The following BBS1 variants were observed in gnomAD, a reference collection of about 807,000 sequenced individuals.
The protein encoded by BBS1 is Bardet-Biedl syndrome 1, also known as BBSome complex member BBS1.
Under a neutral mutation model 73.9 loss-of-function variants are expected in BBS1, and 60 were observed. That is an observed-to-expected ratio of 0.81 (90% CI 0.66 to 1.01). The LOEUF is 1.01. BBS1 is among the 50% of genes least tolerant of loss of function. BBS1 has a pLI of 0.00. For missense variants in BBS1, 718 were observed against 770.3 expected, an observed-to-expected ratio of 0.93 and a Z score of 0.80; for synonymous variants, 283 against 317.4, an observed-to-expected ratio of 0.89 and a Z score of 1.15.
intron 1 of BBS1, 34 bp downstream of exon 1, chr11:66,510,740 A>C (rs1565280065): frequency 6.2e-7 from 1 of 1,612,514 alleles, no homozygotes; most frequent in East Asian, 2.2e-5. Context: ...CTCTTTTCCC[A>C]CCCGTGTAAA....
rs754161831 is a variant in BBS1, at chr11:66,510,671, G to C, written c.12G>C (p.Ala4=). The C allele has an allele frequency of 6.2e-7, 1 of 1,614,166 alleles. No homozygotes were observed. The highest frequency in any genetic ancestry group is 1.1e-5 in the South Asian group (1 of 91,084). ...CGACGCCTGCGAAGATGGCCGCTGCGTCCTCATCGGATTCCGACGCCTGCG... is the reference window on the plus strand; with the variant it reads ...CGACGCCTGCGAAGATGGCCGCTGCCTCCTCATCGGATTCCGACGCCTGCG... MAA[A]SSSDSDACGA... Residue 4 remains alanine (A), a synonymous_variant, in exon 1 of 17, where the codon GCG becomes GCC. Coordinates refer to ENST00000318312, the MANE Select transcript of BBS1 (RefSeq NM_024649.5).
intron 9 of BBS1, among the ~76,000 whole-genome samples, chr11:66,522,397 G>A (rs1191857735): frequency 6.6e-6 from 1 of 150,422 alleles, no homozygotes; most frequent in African/African-American, 2.5e-5. Flanking sequence ...ACCCAGGCTG[G>A]AGTGCAGTGG....
chr11:66,530,050 C>T, intron 14 of BBS1, 98 bp downstream of exon 14: 1 of 1,503,280 alleles, frequency 6.7e-7, no homozygotes. Flanking sequence ...GAGCCAATTC[C>T]AAGCCAACTC....
At position 66,530,998 on chromosome 11, in the gene BBS1, G is replaced by A. The variant is rs373397428; in HGVS notation, c.1578G>A (p.Ala526=). 1.3e-5 allele frequency: 21 copies of A among 1,614,078 alleles called. 1 individual carries two copies. The East Asian group carries it at 1.6e-4, about 12-fold the overall frequency. ...GLLVCFLYNE[A]LYSLPRAFFK... is the part of the protein sequence containing the mutation. ...TGGTCTGCTTCCTGTACAACGAGGC[G>A]CTCTATTCCCTGCCCCGGGCCTTCT... The change falls in exon 15 of 17, where the codon GCG becomes GCA. Residue 526 remains alanine, a synonymous_variant. Transcript: ENST00000318312.
chr11:66,510,768 CGGGCTCT>C, intron 1 of BBS1, 62 bp downstream of exon 1: 1 of 1,603,072 alleles, frequency 6.2e-7, no homozygotes. Context: ...CCTTGGTCCC[CGGGCTCT>C]GGGCTCCTGC....
At position 66,510,682 on chromosome 11, in the gene BBS1, A is replaced by T; in HGVS notation, c.23A>T (p.Asp8Val). The T allele has an allele frequency of 6.2e-7, 1 of 1,614,154 alleles. No individual in the cohort carries two copies. The highest frequency in any genetic ancestry group is 8.5e-7 in the Non-Finnish European group (1 of 1,180,012). Reference sequence around the variant, plus strand: ...AAGATGGCCGCTGCGTCCTCATCGGATTCCGACGCCTGCGGAGCTGAGAGG... The same window carrying T: ...AAGATGGCCGCTGCGTCCTCATCGGTTTCCGACGCCTGCGGAGCTGAGAGG... MAAASSS[D>V]SDACGAESNE... Residue 8 changes from aspartate (D) to valine (V), a missense_variant, in exon 1 of 17, where the codon GAT becomes GTT. Physicochemically the swap from Asp to Val is radical, Grantham distance 152. Coordinates refer to ENST00000318312, the MANE Select transcript of BBS1 (RefSeq NM_024649.5).
At chr11:66,521,760 C>G in intron 9 of BBS1, 1 of 310,738 alleles carries the variant, frequency 3.2e-6, no homozygotes, top group Non-Finnish European at 6.3e-6. Flanking sequence ...ACAAAATTAG[C>G]TGGGCATGGT....
In BBS1 at chr11:66,526,754, G is replaced by A. The variant is rs761581482; in HGVS notation, c.1286G>A (p.Arg429Gln). The change falls in exon 13 of 17, where the codon CGA (arginine) becomes CAA (glutamine). Residue 429 changes from arginine (R) to glutamine (Q), a missense_variant. Arg to Gln is a conservative substitution (Grantham distance 43, BLOSUM62 1). Coordinates refer to ENST00000318312, the MANE Select transcript of BBS1 (RefSeq NM_024649.5). ...CAGGCCATGAAACTCAATGTGCCCCGAAAGACCCGGCTTTACGTGGATCAG... is the reference window on the plus strand; with the variant it reads ...CAGGCCATGAAACTCAATGTGCCCCAAAAGACCCGGCTTTACGTGGATCAG... ...PAQAMKLNVP[R>Q]KTRLYVDQTL... 2.7e-5 allele frequency: 43 copies of A among 1,614,112 alleles called. No individual in the cohort carries two copies. The highest frequency in any genetic ancestry group is 2.3e-4 in the South Asian group (21 of 91,090).
chr11:66,523,085 C>G, intron 9 of BBS1: 1 of 462,658 alleles, frequency 2.2e-6, no homozygotes, highest in South Asian at 1.6e-5. Context: ...AGCTCTTCAT[C>G]CTTTTCTCAT....
chr11:66,514,582 CTA>C lies in BBS1; in HGVS notation c.338_339del (p.Tyr113CysfsTer3). On this transcript the variant is annotated frameshift_variant, in exon 4 of 17. Coordinates refer to ENST00000318312, the MANE Select transcript of BBS1 (RefSeq NM_024649.5). LOFTEE classifies it high-confidence loss of function. Reference protein sequence around the residue: ...ALALASGPCVYVYKNLRPYFK... With the variant: ...ALALASGPCVXVYKNLRPYFK... The stretch of plus-strand genomic sequence containing the variant: ...TGGCACTTGCTTCAGGCCCTTGTGT[CTA>C]TGTGTATAAGAATCTCAGACCCTAC... 3 of 1,614,066 alleles carry C rather than the reference CTA, an allele frequency of 1.9e-6. No individual in the cohort carries two copies. The highest frequency in any genetic ancestry group is 2.5e-6 in the Non-Finnish European group (3 of 1,180,040).
At chr11:66,511,995 CA>C (rs796283982) in intron 3 of BBS1, among the ~76,000 whole-genome samples, 71 of 121,994 alleles carry the variant, frequency 5.8e-4, no homozygotes, top group Non-Finnish European at 9.9e-4. Context: ...GAGACAGTTT[CA>C]AAAAAAAATA....
chr11:66,515,120 G>A (rs1856022046), intron 4 of BBS1, among the ~76,000 whole-genome samples: 2 of 152,096 alleles, frequency 1.3e-5, no homozygotes, highest in African/African-American at 2.4e-5. Context: ...GCCCAGCCTA[G>A]TGATGGCACT....
chr11:66,512,371 G>C (rs541300356), intron 3 of BBS1, among the ~76,000 whole-genome samples: 3 of 152,188 alleles, frequency 2.0e-5, no homozygotes, highest in Admixed American at 6.5e-5. Context: ...CACCACAATG[G>C]ATATATCATG....
At chr11:66,529,765 T>G in intron 13 of BBS1, 54 bp from the exon 14 acceptor site, 1 of 1,603,718 alleles carries the variant, frequency 6.2e-7, no homozygotes, top group Non-Finnish European at 8.5e-7. Flanking sequence ...CGTTGCTGCC[T>G]CCTCCCTGCC....
rs1040851174 is a variant in BBS1, at chr11:66,529,553, T to G, written c.1340-266T>G. On this transcript the variant is annotated intron_variant, in intron 13 of 16. Transcript: ENST00000318312. The stretch of plus-strand genomic sequence containing the variant: ...CCAGACTCAGGAGAACACCAGCCTC[T>G]AGGGCCGGACAGAGAAGCCAGTGAA... 2.6e-4 allele frequency: 185 copies of G among 703,156 alleles called. 1 individual carries two copies. Among genetic ancestry groups the G allele is most frequent in the Non-Finnish European group, 5.9e-5 (23 of 389,578 alleles). 43.6% of individuals were successfully genotyped at this position (703,156 alleles called of 1,614,324 possible). A position where few individuals can be genotyped will look rare whatever the true frequency, so the allele number is the denominator to read the frequency against.
chr11:66,514,291 C>A lies in BBS1; in HGVS notation c.160-115C>A, dbSNP rs914458335. ...GTCAGGCAGCTTGAAAGCCTGAGGG[C>A]AAAGCCTTTATTGGTGCAGGAATGA... On this transcript the variant is annotated intron_variant, in intron 3 of 16. Coordinates refer to ENST00000318312, the MANE Select transcript of BBS1 (RefSeq NM_024649.5). The A allele has an allele frequency of 7.1e-6, 10 of 1,417,404 alleles. No individual in the cohort carries two copies. In the Admixed American group the frequency reaches 1.5e-4, roughly 21 times the overall value. The allele number at this position is 1,417,404 out of a possible 1,614,324, so 87.8% of individuals were successfully genotyped here.
At chr11:66,528,926 C>CAT (rs1856635916) in intron 13 of BBS1, 1 of 324,842 alleles carries the variant, frequency 3.1e-6, no homozygotes, top group Non-Finnish European at 4.3e-6. Context: ...TGAGATCACG[C>CAT]CATTGCACTC....
At position 66,522,256 on chromosome 11, in the gene BBS1, A is replaced by C. The variant is rs553087950; in HGVS notation, c.830+880A>C. ...GAAACAGATGGGAAGAAATAAAAAA[A>C]AATTTCCCATATTTGTTACTTTCTA... is the stretch of plus-strand genomic sequence containing the variant. On this transcript the variant is annotated intron_variant, in intron 9 of 16. Transcript: ENST00000318312. Among the ~76,000 whole-genome samples the C allele has an allele frequency of 2.7e-3, 406 of 152,236 alleles. 2 individuals carry two copies. Among genetic ancestry groups the C allele is most frequent in the African/African-American group, 8.9e-3 (371 of 41,544 alleles).
intron 13 of BBS1, 126 bp downstream of exon 13, chr11:66,526,933 C>T (rs1396682116): frequency 2.5e-6 from 4 of 1,596,452 alleles, no homozygotes; most frequent in African/African-American, 1.3e-5. Flanking sequence ...GTAGGTCACT[C>T]ACCTCTGCAA....
Sources: gnomAD v4.1 joint callset for allele counts (sites outside exome capture counted in the v4.1 genomes callset) on GRCh38, gnomAD v4.1.1 for gene constraint, MANE v1.5 for transcripts, NCBI Gene and HGNC (gene_info 2026-07-23, HGNC 2026-07-21) for gene names.